Variants in GRIP2 observed in about 807,000 individuals in gnomAD.
The protein encoded by GRIP2 is glutamate receptor interacting protein 2, also known as glutamate receptor-interacting protein 2.
A neutral mutation model predicts 108.3 loss-of-function variants in GRIP2; 58 were observed. That is an observed-to-expected ratio of 0.54 (90% confidence interval 0.43 to 0.67). The LOEUF (loss-of-function observed/expected upper bound fraction) is 0.67. Among genes scored for constraint, GRIP2 ranks in the 30% least tolerant of loss-of-function variants. The pLI is 0.00. For synonymous variants in GRIP2, 586 were observed against 598.2 expected, an observed-to-expected ratio of 0.98 and a Z score of 0.30; for missense variants, 1,278 against 1,430.6, an observed-to-expected ratio of 0.89 and a Z score of 1.72.
At chr3:14,500,251 C>T (rs1266008935) in intron 21 of GRIP2, among the ~76,000 whole-genome samples, 3 of 152,082 alleles carry the variant, frequency 2.0e-5, no homozygotes, top group Non-Finnish European at 4.4e-5. Flanking sequence ...AGTTAAGAGA[C>T]ATGGAGGGTA....
At chr3:14,568,372 C>T in the GRIP2 span, among the ~76,000 whole-genome samples, 2 of 152,106 alleles carry the variant, frequency 1.3e-5, no homozygotes, top group South Asian at 2.1e-4. Context: ...AAAGTAGTGA[C>T]TCATTATAGA....
chr3:14,535,934 G>A (rs1575026024), intron 1 of GRIP2, among the ~76,000 whole-genome samples: 1 of 152,222 alleles, frequency 6.6e-6, no homozygotes, highest in African/African-American at 2.4e-5. Context: ...CCAAGGGCTC[G>A]ATGGAGATGC....
At chr3:14,542,606 C>A, upstream of GRIP2, among the ~76,000 whole-genome samples, 1 of 152,148 alleles carries the variant, frequency 6.6e-6, no homozygotes, top group East Asian at 1.9e-4. Flanking sequence ...CTTTTGTGGA[C>A]CCCCAAGCTC....
Position 14,492,465 on chromosome 3 carries a change from T to G in GRIP2, c.*1200A>C, listed in dbSNP as rs986258324. The G allele has an allele frequency of 6.6e-6, 1 of 152,266 alleles. No homozygotes were observed. Among genetic ancestry groups the G allele is most frequent in the African/African-American group, 2.4e-5 (1 of 41,452 alleles). 9.4% of individuals were successfully genotyped at this position (152,266 alleles called of 1,614,324 possible). The stretch of plus-strand genomic sequence containing the variant: ...TCTCAAAATGAAGAGGGTCTCTGAT[T>G]TGTGGACACTGAGGACAATGATTTT... On this transcript the variant is annotated 3_prime_UTR_variant, in exon 24 of 24. Coordinates refer to ENST00000621039, the MANE Select transcript of GRIP2 (RefSeq NM_001080423.4).
chr3:14,496,248 G>A (rs1429563639), intron 22 of GRIP2, among the ~76,000 whole-genome samples, 169 bp downstream of exon 22: 1 of 152,272 alleles, frequency 6.6e-6, no homozygotes, highest in Non-Finnish European at 1.5e-5. Flanking sequence ...GTGCATGTGT[G>A]TGAGTGTGCA....
At chr3:14,510,270 T>G (rs1226313934) in intron 16 of GRIP2, among the ~76,000 whole-genome samples, 36 of 150,046 alleles carry the variant, frequency 2.4e-4, no homozygotes, top group African/African-American at 8.1e-4. Flanking sequence ...TTTTTTTTTT[T>G]TTTTTTTTTT....
In GRIP2 at chr3:14,507,035, C is replaced by T; in HGVS notation, c.2219-55G>A. On this transcript the variant is annotated intron_variant, in intron 18 of 23. Coordinates refer to ENST00000621039, the MANE Select transcript of GRIP2 (RefSeq NM_001080423.4). The surrounding 1 kb of genome is among the most constrained non-coding windows in gnomAD (Gnocchi z 4.6). ...CTTCAGAGACACTCACAGTGAGCCT[C>T]AGTTTCTGCATTTCAGCCTGGTCTG... 1 of 1,481,958 alleles carries T rather than the reference C, an allele frequency of 6.7e-7. No homozygotes were observed. Among genetic ancestry groups the T allele is most frequent in the Non-Finnish European group, 9.1e-7 (1 of 1,095,390 alleles). 91.8% of individuals were successfully genotyped at this position (1,481,958 alleles called of 1,614,324 possible). A position where few individuals can be genotyped will look rare whatever the true frequency, so the allele number is the denominator to read the frequency against.
the GRIP2 span, among the ~76,000 whole-genome samples, chr3:14,590,792 G>C: frequency 6.6e-6 from 1 of 152,204 alleles, no homozygotes; most frequent in African/African-American, 2.4e-5. Context: ...TGTATAAAGG[G>C]GCTGGGTGGA....
chr3:14,513,723 G>T lies in GRIP2; in HGVS notation c.1581C>A (p.Leu527=), dbSNP rs1336276480. 1.9e-6 allele frequency: 3 copies of T among 1,610,778 alleles called. No individual in the cohort carries two copies. Among genetic ancestry groups the T allele is most frequent in the African/African-American group, 1.3e-5 (1 of 74,876 alleles). ...EDGTMEEANQ[L]LRDAALAHKV... is the part of the protein sequence containing the mutation. Reference sequence around the variant, plus strand: ...TGTGGGCCAGTGCGGCGTCCCGCAGGAGCTGGTTGGCTTCCTCCATAGTCC... The same window carrying T: ...TGTGGGCCAGTGCGGCGTCCCGCAGTAGCTGGTTGGCTTCCTCCATAGTCC... Residue 527 remains leucine (L), a synonymous_variant, in exon 13 of 24, where the codon CTC becomes CTA. Coordinates refer to ENST00000621039, the MANE Select transcript of GRIP2 (RefSeq NM_001080423.4).
At chr3:14,543,043 A>G (rs527651410), upstream of GRIP2, among the ~76,000 whole-genome samples, 1 of 152,266 alleles carries the variant, frequency 6.6e-6, no homozygotes, top group East Asian at 1.9e-4. Context: ...GGTTTTTTAG[A>G]CTGACTTTGA....
the GRIP2 span, chr3:14,573,715 C>A: frequency 1.0e-4 from 143 of 1,426,592 alleles, no homozygotes; most frequent in African/African-American, 1.8e-3. Context: ...GTAATGTCTT[C>A]TGGCCACTCA....
chr3:14,509,999 C>T (rs893249032), intron 16 of GRIP2, 35 bp from the exon 17 acceptor site: 2 of 1,396,272 alleles, frequency 1.4e-6, no homozygotes, highest in Non-Finnish European at 9.4e-7. Flanking sequence ...AGGAGGCCCC[C>T]GAGGGGGTAC....
the GRIP2 span, among the ~76,000 whole-genome samples, chr3:14,565,243 AT>A: frequency 6.6e-6 from 1 of 152,216 alleles, no homozygotes; most frequent in African/African-American, 2.4e-5. Flanking sequence ...ACAGTGTTAC[AT>A]GAGGGGTTCT....
chr3:14,559,819 C>T (rs1004048359), upstream of GRIP2, among the ~76,000 whole-genome samples: 6 of 152,156 alleles, frequency 3.9e-5, no homozygotes, highest in African/African-American at 1.4e-4. Flanking sequence ...TCAGTTTCCC[C>T]GTCTGAACAC....
chr3:14,570,850 A>G, the GRIP2 span, among the ~76,000 whole-genome samples: 1 of 152,348 alleles, frequency 6.6e-6, no homozygotes, highest in Non-Finnish European at 1.5e-5. Context: ...GCTGTAAGGT[A>G]AAAGTTCTGC....
Position 14,540,303 on chromosome 3 carries a change from C to T in GRIP2, c.6G>A (p.Leu2=), listed in dbSNP as rs760513320. ...CAGGGGTCTCCCGGCTGAGCCCACA[C>T]AGCATGTTCGCTATTGTCTCCCCTG... The part of the protein sequence containing the change: M[L]CGLSRETPGE... Residue 2 remains leucine, a synonymous_variant, in exon 1 of 24, where the codon CTG becomes CTA. Coordinates refer to ENST00000621039, the MANE Select transcript of GRIP2 (RefSeq NM_001080423.4). The surrounding 1 kb of genome is among the most constrained non-coding windows in gnomAD (Gnocchi z 4.1). 6.2e-6 allele frequency: 10 copies of T among 1,613,754 alleles called. No individual in the cohort carries two copies. The East Asian group carries it at 2.0e-4, about 32-fold the overall frequency.
At chr3:14,540,483 G>T, upstream of GRIP2, 3 of 1,456,666 alleles carry the variant, frequency 2.1e-6, no homozygotes, top group Non-Finnish European at 2.8e-6. The surrounding 1 kb of genome is among the most constrained non-coding windows in gnomAD (Gnocchi z 4.1). Context: ...CATGGCTATT[G>T]TCAAGGCTGG....
chr3:14,511,219 G>T lies in GRIP2; in HGVS notation c.1879C>A (p.Arg627=), dbSNP rs368026501. 1.9e-6 allele frequency: 3 copies of T among 1,613,954 alleles called. No individual in the cohort carries two copies. The highest frequency in any genetic ancestry group is 3.3e-5 in the Admixed American group (2 of 60,010). ...AGCTTCACCAGGTCCTCGCACTGCCGCAGGATTTGCACGGCGTCCTCCATG... is the reference window on the plus strand; with the variant it reads ...AGCTTCACCAGGTCCTCGCACTGCCTCAGGATTTGCACGGCGTCCTCCATG... ...CPMEDAVQIL[R]QCEDLVKLKI... The change falls in exon 16 of 24, where the codon CGG becomes AGG. Residue 627 remains arginine, a synonymous_variant. Transcript: ENST00000621039. This position sits in a 1 kb window ranked among gnomAD's most constrained non-coding sequence, Gnocchi z 4.1.
intron 4 of GRIP2, chr3:14,524,115 T>TCA: frequency 1.8e-6 from 1 of 542,032 alleles, no homozygotes; most frequent in Non-Finnish European, 3.3e-6. Context: ...GAACGACTTA[T>TCA]TCAGCTAATG....
Sources: allele counts gnomAD v4.1 joint callset (sites outside exome capture counted in the v4.1 genomes callset), GRCh38; gene constraint gnomAD v4.1.1; non-coding constraint Gnocchi (gnomAD v3.1); transcripts MANE v1.5; gene names NCBI Gene and HGNC (gene_info 2026-07-23, HGNC 2026-07-21).